The following ITGA6 variants were observed in gnomAD, a reference collection of about 807,000 sequenced individuals.
ITGA6 encodes the protein integrin alpha-6.
In ITGA6, 63 loss-of-function variants were observed where a neutral mutation model predicts 133.6. That is an observed-to-expected ratio of 0.47 (90% confidence interval 0.38 to 0.58). The LOEUF is 0.58. Ranked by LOEUF, ITGA6 falls within the 20% of genes least tolerant of loss-of-function variation. The pLI is 0.00. For missense variants in ITGA6, 1,068 were observed against 1,309.4 expected (o/e 0.82, Z 2.85); for synonymous variants, 434 against 482.0 (o/e 0.90, Z 1.30).
In ITGA6 at chr2:172,489,474, T is replaced by C; in HGVS notation, c.2506-11T>C. On this transcript the variant is annotated splice_polypyrimidine_tract_variant and intron_variant, in intron 19 of 25. Coordinates refer to ENST00000684293, the MANE Select transcript of ITGA6 (RefSeq NM_000210.4). ...GATTAGACTGAGATAATATGTATTA[T>C]TTTCTAACAGGTAATAAACTTAGGT... 1.2e-6 allele frequency: 2 copies of C among 1,601,358 alleles called. No individual in the cohort carries two copies. The highest frequency in any genetic ancestry group is 1.7e-6 in the Non-Finnish European group (2 of 1,168,378).
chr2:172,432,594 C>G (rs142742500), intron 1 of ITGA6, among the ~76,000 whole-genome samples: 5 of 152,346 alleles, frequency 3.3e-5, no homozygotes, highest in Admixed American at 2.0e-4. Context: ...TCTGAGGAAA[C>G]GGAATCTGTA....
chr2:172,487,132 T>C lies in ITGA6; in HGVS notation c.1964T>C (p.Leu655Ser). The C allele has an allele frequency of 6.3e-7, 1 of 1,589,728 alleles. No homozygotes were observed. The highest frequency in any genetic ancestry group is 8.6e-7 in the Non-Finnish European group (1 of 1,157,824). The change falls in exon 14 of 26, where the codon TTA becomes TCA. Residue 655 changes from leucine to serine, a missense_variant. Physicochemically the swap from Leu to Ser is moderately radical, Grantham distance 145. Coordinates refer to ENST00000684293, the MANE Select transcript of ITGA6 (RefSeq NM_000210.4). ...REGNQDKFSY[L>S]PIQKGVPELV... ...GGAAATCAAGACAAATTTTCTTATT[T>C]ACCAATGTAAGAATCGTTGTGTAGC...
chr2:172,474,878 C>A, intron 6 of ITGA6, 51 bp from the exon 7 acceptor site: 1 of 881,144 alleles, frequency 1.1e-6, no homozygotes, highest in Non-Finnish European at 2.0e-6. Flanking sequence ...ACTGGTGTTG[C>A]TGGTATGTTA....
intron 25 of ITGA6, 68 bp from the exon 26 acceptor site, chr2:172,504,023 T>C (rs1161700111): frequency 6.4e-6 from 8 of 1,245,236 alleles, no homozygotes; most frequent in Non-Finnish European, 8.8e-6. Context: ...AGCTTAGACA[T>C]TCCCATTTAG....
intron 1 of ITGA6, among the ~76,000 whole-genome samples, chr2:172,439,857 G>A (rs907433167): frequency 6.6e-6 from 1 of 152,158 alleles, no homozygotes; most frequent in African/African-American, 2.4e-5. Flanking sequence ...CTTCCGTTTG[G>A]TGAAATAGCC....
At chr2:172,494,135 T>C (rs1013727406) in intron 23 of ITGA6, among the ~76,000 whole-genome samples, 4 of 152,248 alleles carry the variant, frequency 2.6e-5, no homozygotes, top group African/African-American at 9.6e-5. Flanking sequence ...GTTTGAGCTG[T>C]AGTTTTTCTG....
At chr2:172,478,523 G>A (rs1242788771) in intron 9 of ITGA6, among the ~76,000 whole-genome samples, 1 of 152,154 alleles carries the variant, frequency 6.6e-6, no homozygotes, top group Admixed American at 6.5e-5. Flanking sequence ...CCGCATACCT[G>A]CATTTCTTGT....
chr2:172,495,367 C>A (rs553259738), intron 23 of ITGA6: 46 of 152,324 alleles, frequency 3.0e-4, no homozygotes, highest in African/African-American at 9.4e-4. Context: ...ACAGTAGTTT[C>A]TACTCACCTG....
chr2:172,473,596 AATACTGGTC>A (rs1272807910), intron 5 of ITGA6, among the ~76,000 whole-genome samples: 6 of 152,214 alleles, frequency 3.9e-5, no homozygotes, highest in Admixed American at 3.3e-4. Flanking sequence ...TTCCTGTAAA[AATACTGGTC>A]ATTAAATTAC....
chr2:172,456,603 T>C (rs1685218859), intron 1 of ITGA6, among the ~76,000 whole-genome samples: 1 of 152,162 alleles, frequency 6.6e-6, no homozygotes, highest in South Asian at 2.1e-4. Context: ...AACCATTCCA[T>C]TGGATGGTCT....
intron 1 of ITGA6, among the ~76,000 whole-genome samples, chr2:172,433,885 TG>T (rs1684210587): frequency 6.6e-6 from 1 of 152,132 alleles, no homozygotes; most frequent in South Asian, 2.1e-4. Flanking sequence ...AGTGGACAGA[TG>T]GGTGCATAGA....
At chr2:172,463,041 C>T (rs754690700) in intron 1 of ITGA6, among the ~76,000 whole-genome samples, 10 of 152,192 alleles carry the variant, frequency 6.6e-5, no homozygotes, top group Non-Finnish European at 1.2e-4. Context: ...CACTCTGTAC[C>T]ATCCTCTCAT....
intron 1 of ITGA6, among the ~76,000 whole-genome samples, chr2:172,440,074 C>T (rs940860133): frequency 1.3e-5 from 2 of 152,164 alleles, no homozygotes; most frequent in African/African-American, 4.8e-5. Flanking sequence ...CATTGGTCAG[C>T]CTTCACTGTT....
intron 10 of ITGA6, 113 bp from the exon 11 acceptor site, chr2:172,479,876 AT>A: frequency 1.8e-6 from 2 of 1,096,076 alleles, no homozygotes; most frequent in Non-Finnish European, 2.8e-6. Context: ...AAGTGTTTTT[AT>A]AACATGTTGA....
Position 172,504,271 on chromosome 2 carries a change from A to G in ITGA6, c.*203A>G, listed in dbSNP as rs950602788. On this transcript the variant is annotated 3_prime_UTR_variant, in exon 26 of 26. Transcript: ENST00000684293. ...CTCATAGCGGGGGCCTAAAAAAAAA[A>G]AGCTTCACAGTACCCAAACTGCTTT... is the stretch of plus-strand genomic sequence containing the variant. 26 of 1,524,434 alleles carry G rather than the reference A, an allele frequency of 1.7e-5. No homozygotes were observed. The highest frequency in any genetic ancestry group is 2.0e-5 in the Non-Finnish European group (23 of 1,139,026). 94.4% of individuals were successfully genotyped at this position (1,524,434 alleles called of 1,614,324 possible).
At chr2:172,459,364 C>T (rs376491793) in intron 1 of ITGA6, among the ~76,000 whole-genome samples, 3 of 152,100 alleles carry the variant, frequency 2.0e-5, no homozygotes, top group Non-Finnish European at 2.9e-5. Context: ...AGTAGCCAGG[C>T]GTGATGGCAC....
In ITGA6 at chr2:172,474,993, G is replaced by T. The variant is rs146630825; in HGVS notation, c.1051G>T (p.Val351Leu). 1 of 1,585,748 alleles carries T rather than the reference G, an allele frequency of 6.3e-7. No individual in the cohort carries two copies. Among genetic ancestry groups the T allele is most frequent in the Non-Finnish European group, 8.7e-7 (1 of 1,154,222 alleles). Residue 351 changes from valine to leucine, a missense_variant, in exon 7 of 26, where the codon GTG (valine) becomes TTG (leucine). By Grantham distance (32) the Val-to-Leu change is conservative (BLOSUM62 1). Coordinates refer to ENST00000684293, the MANE Select transcript of ITGA6 (RefSeq NM_000210.4). ...FDRDGEVGGAVYVYMNQQGRW... is the reference protein window; with the variant it reads ...FDRDGEVGGALYVYMNQQGRW... Reference sequence around the variant, plus strand: ...TAGAGATGGAGAAGTTGGAGGTGCAGTGTATGTCTACATGAACCAGCAAGG... The same window carrying T: ...TAGAGATGGAGAAGTTGGAGGTGCATTGTATGTCTACATGAACCAGCAAGG...
intron 1 of ITGA6, among the ~76,000 whole-genome samples, chr2:172,446,024 T>A (rs1239257256): frequency 3.9e-5 from 6 of 152,250 alleles, no homozygotes; most frequent in Non-Finnish European, 8.8e-5. Flanking sequence ...AGGGTGGCCT[T>A]ATGCCCAGCT....
At chr2:172,478,608 G>A (rs12469958) in intron 9 of ITGA6, among the ~76,000 whole-genome samples, 13,282 of 152,276 alleles carry the variant, frequency 0.087, 1,368 homozygotes, top group East Asian at 0.51. Context: ...CAAAACATAC[G>A]AAAAGATGTT....
Sources: allele counts gnomAD v4.1 joint callset (sites outside exome capture counted in the v4.1 genomes callset), GRCh38; gene constraint gnomAD v4.1.1; transcripts MANE v1.5; gene names NCBI Gene and HGNC (gene_info 2026-07-23, HGNC 2026-07-21).